The following PLA2G6 variants were observed in gnomAD, a reference collection of about 807,000 sequenced individuals.
The protein encoded by PLA2G6 is 85/88 kDa calcium-independent phospholipase A2.
Under a neutral mutation model 83.8 loss-of-function variants are expected in PLA2G6, and 62 were observed. The observed-to-expected ratio is 0.74, with a 90% CI of 0.60 to 0.91. The LOEUF (loss-of-function observed/expected upper bound fraction) is 0.91. Ranked by LOEUF, PLA2G6 falls within the 40% of genes least tolerant of loss-of-function variation. The pLI is 0.00. For missense variants in PLA2G6, 944 were observed against 1,102.0 expected, an observed-to-expected ratio of 0.86 and a Z score of 2.03; for synonymous variants, 417 against 449.8, an observed-to-expected ratio of 0.93 and a Z score of 0.92.
At chr22:38,125,813 C>T (rs555973955) in intron 10 of PLA2G6, 3 of 431,696 alleles carry the variant, frequency 6.9e-6, no homozygotes, top group South Asian at 1.7e-5. Flanking sequence ...TGGCTGGAAA[C>T]GCATTTGTCC....
At chr22:38,112,676 G>T (rs928583606) in intron 15 of PLA2G6, 99 bp from the exon 16 acceptor site, 1 of 1,026,290 alleles carries the variant, frequency 9.7e-7, no homozygotes, top group Non-Finnish European at 1.5e-6. Context: ...AGCCTGGGGA[G>T]CCCCAGGCTC....
chr22:38,118,103 T>C (rs1366218283), intron 12 of PLA2G6, among the ~76,000 whole-genome samples: 2 of 151,544 alleles, frequency 1.3e-5, no homozygotes, highest in African/African-American at 2.4e-5. Flanking sequence ...TCCACTTACA[T>C]AAGGTACGGT....
intron 11 of PLA2G6, 115 bp downstream of exon 11, chr22:38,122,980 T>G: frequency 9.6e-7 from 1 of 1,043,774 alleles, no homozygotes; most frequent in Non-Finnish European, 1.4e-6. Context: ...TCAAAGTGCT[T>G]ATAGCCCTCC....
intron 8 of PLA2G6, among the ~76,000 whole-genome samples, chr22:38,129,076 G>A (rs958580948): frequency 1.3e-5 from 2 of 152,256 alleles, no homozygotes; most frequent in African/African-American, 2.4e-5. Flanking sequence ...CCCAGAGCTC[G>A]TGCAGTGTAG....
At position 38,123,304 on chromosome 22, in the gene PLA2G6, C is replaced by T; in HGVS notation, c.1428-46G>A. Reference sequence around the variant, plus strand: ...GGAGAGAGGAGGGTCCTGCCACAGCCCAGTACTTTACATCCACCCTCATAG... The same window carrying T: ...GGAGAGAGGAGGGTCCTGCCACAGCTCAGTACTTTACATCCACCCTCATAG... On this transcript the variant is annotated intron_variant, in intron 10 of 16. Transcript: ENST00000332509. This position sits in a 1 kb window ranked among gnomAD's most constrained non-coding sequence, Gnocchi z 4.1. The T allele has an allele frequency of 6.5e-7, 1 of 1,540,278 alleles. No individual in the cohort carries two copies. The highest frequency in any genetic ancestry group is 8.8e-7 in the Non-Finnish European group (1 of 1,137,928).
At chr22:38,175,812 C>T (rs1385668006) in intron 1 of PLA2G6, among the ~76,000 whole-genome samples, 1 of 152,176 alleles carries the variant, frequency 6.6e-6, no homozygotes, top group Non-Finnish European at 1.5e-5. Flanking sequence ...TCACCCAACC[C>T]GCTTTGATTT....
At chr22:38,127,162 C>G (rs1416637378) in intron 9 of PLA2G6, 8 of 1,164,060 alleles carry the variant, frequency 6.9e-6, no homozygotes, top group African/African-American at 1.6e-5. Flanking sequence ...CCCCCCACCA[C>G]TGTGCAGAGT....
At position 38,120,892 on chromosome 22, in the gene PLA2G6, T is replaced by C; in HGVS notation, c.1609A>G (p.Met537Val). 6.8e-6 allele frequency: 11 copies of C among 1,613,668 alleles called. 1 individual carries two copies. The highest frequency in any genetic ancestry group is 2.2e-5 in the South Asian group (2 of 91,092). ...TTCATGCGAAAGTACATGCCGCGCATGTAGGCCATGGACTTACCTAGGAAC... is the reference window on the plus strand; with the variant it reads ...TTCATGCGAAAGTACATGCCGCGCACGTAGGCCATGGACTTACCTAGGAAC... ...AILHSKSMAYMRGMYFRMKDE... is the reference protein window; with the variant it reads ...AILHSKSMAYVRGMYFRMKDE... The change falls in exon 12 of 17, where the codon ATG becomes GTG. Residue 537 changes from methionine to valine, a missense_variant. Transcript: ENST00000332509.
chr22:38,133,172 G>A (rs941399465), intron 6 of PLA2G6, 159 bp from the exon 7 acceptor site: 1 of 710,200 alleles, frequency 1.4e-6, no homozygotes, highest in African/African-American at 1.8e-5. Flanking sequence ...CAGTTCTAGG[G>A]GGGCCTAGAC....
chr22:38,159,761 G>GAAGGAAGGAAGGA (rs543554981), intron 2 of PLA2G6, among the ~76,000 whole-genome samples: 4 of 150,478 alleles, frequency 2.7e-5, no homozygotes, highest in South Asian at 2.1e-4. Flanking sequence ...AGGAAGGAAG[G>GAAGGAAGGAAGGA]AGATCTTCAA....
At chr22:38,152,503 G>T (rs2089607834) in intron 2 of PLA2G6, among the ~76,000 whole-genome samples, 3 of 151,714 alleles carry the variant, frequency 2.0e-5, no homozygotes, top group African/African-American at 2.4e-5. Flanking sequence ...CACTGTGCCT[G>T]GCCCGTGCCT....
Position 38,145,478 on chromosome 22 carries a change from G to T in PLA2G6, c.385C>A (p.Leu129Ile), listed in dbSNP as rs1388418006. 6 of 1,612,046 alleles carry T rather than the reference G, an allele frequency of 3.7e-6. No homozygotes were observed. Among genetic ancestry groups the T allele is most frequent in the Non-Finnish European group, 5.1e-6 (6 of 1,179,490 alleles). ...TGATGGAAGCACTCGCGGATCCCTA[G>T]CTCCACAGCCAGGTGGGCCACTGAC... ...SWSVAHLAVE[L>I]GIRECFHHSR... is the part of the protein sequence containing the mutation. The change falls in exon 3 of 17, where the codon CTA becomes ATA. Residue 129 changes from leucine to isoleucine, a missense_variant. Physicochemically the swap from Leu to Ile is conservative, Grantham distance 5. Coordinates refer to ENST00000332509, the MANE Select transcript of PLA2G6 (RefSeq NM_003560.4).
At chr22:38,127,600 T>G in intron 9 of PLA2G6, 1 of 493,682 alleles carries the variant, frequency 2.0e-6, no homozygotes. Flanking sequence ...CTGAAGGTGC[T>G]GCCGCCTCCA....
In PLA2G6 at chr22:38,145,746, C is replaced by T. The variant is rs11570631; in HGVS notation, c.210-93G>A. On this transcript the variant is annotated intron_variant, in intron 2 of 16. Transcript: ENST00000332509. ...CTGGAATCAGAAGGTCCCCAGGCTG[C>T]GGCCTGGCCAGCTCCAGCCCGACTC... 4,931 of 776,816 alleles carry T rather than the reference C, an allele frequency of 6.3e-3. 160 individuals are homozygous for T. The African/African-American group carries it at 0.072, about 11-fold the overall frequency. 48.1% of individuals were successfully genotyped at this position (776,816 alleles called of 1,614,324 possible).
At position 38,132,764 on chromosome 22, in the gene PLA2G6, A is replaced by C; in HGVS notation, c.1077+67T>G. Reference sequence around the variant, plus strand: ...GGGAGACAGTGGGGAGGAGGGCTCCAGTCCGGACAGCCCTCCTGCATTCCC... The same window carrying C: ...GGGAGACAGTGGGGAGGAGGGCTCCCGTCCGGACAGCCCTCCTGCATTCCC... On this transcript the variant is annotated intron_variant, in intron 7 of 16. Transcript: ENST00000332509. The surrounding 1 kb of genome is among the most constrained non-coding windows in gnomAD (Gnocchi z 5.0). 7.4e-7 allele frequency: 1 copy of C among 1,346,696 alleles called. No individual in the cohort carries two copies. The highest frequency in any genetic ancestry group is 1.0e-6 in the Non-Finnish European group (1 of 977,946). 83.4% of individuals were successfully genotyped at this position (1,346,696 alleles called of 1,614,324 possible).
chr22:38,117,367 C>A (rs1228915603), intron 12 of PLA2G6, among the ~76,000 whole-genome samples: 1 of 152,016 alleles, frequency 6.6e-6, no homozygotes, highest in Non-Finnish European at 1.5e-5. Context: ...GCCACCACGC[C>A]CGGCTAATTT....
At chr22:38,153,584 C>T (rs181947558) in intron 2 of PLA2G6, among the ~76,000 whole-genome samples, 89 of 150,108 alleles carry the variant, frequency 5.9e-4, no homozygotes, top group Middle Eastern at 3.4e-3. Context: ...TGCAGTGAGC[C>T]GAGATCGCGC....
intron 1 of PLA2G6, among the ~76,000 whole-genome samples, chr22:38,179,224 T>TGACATCAGAGAGGCAACAGGGG (rs1304906509): frequency 6.6e-6 from 1 of 152,100 alleles, no homozygotes; most frequent in Non-Finnish European, 1.5e-5. Flanking sequence ...AGGAAGCCAG[T>TGACATCAGAGAGGCAACAGGGG]GACATCAGAG....
chr22:38,123,007 CTT>C lies in PLA2G6; in HGVS notation c.1591+86_1591+87del. 7.5e-7 allele frequency: 1 copy of C among 1,332,760 alleles called. No individual in the cohort carries two copies. The allele number at this position is 1,332,760 out of a possible 1,614,324, so 82.6% of individuals were successfully genotyped here. On this transcript the variant is annotated intron_variant, in intron 11 of 16. Coordinates refer to ENST00000332509, the MANE Select transcript of PLA2G6 (RefSeq NM_003560.4). The surrounding 1 kb of genome is among the most constrained non-coding windows in gnomAD (Gnocchi z 4.1). ...TAGCCCTCCTCTACTCCTCCACTCT[CTT>C]TTTGCAAAGCCCTGAAGACAAACTC...
Sources: allele counts gnomAD v4.1 joint callset (sites outside exome capture counted in the v4.1 genomes callset), GRCh38; gene constraint gnomAD v4.1.1; non-coding constraint Gnocchi (gnomAD v3.1); transcripts MANE v1.5; gene names NCBI Gene and HGNC (gene_info 2026-07-23, HGNC 2026-07-21).